SNX30: variants seen among roughly 807,000 people sequenced by gnomAD.
SNX30 encodes the protein sorting nexin-30.
SNX30 carries 24 observed loss-of-function variants against 46.4 expected under a neutral mutation model. That is an observed-to-expected ratio of 0.52 (90% CI 0.37 to 0.73). SNX30 has a LOEUF of 0.73. SNX30 is among the 30% of genes least tolerant of loss of function. The pLI is 0.00. For synonymous variants in SNX30, 189 were observed against 211.5 expected (o/e 0.89, Z 0.92); for missense variants, 533 against 555.7 (o/e 0.96, Z 0.41).
chr9:112,751,041 C>T lies in SNX30; in HGVS notation c.40C>T (p.Pro14Ser), dbSNP rs1839266536. 2 of 1,480,990 alleles carry T rather than the reference C, an allele frequency of 1.4e-6. No homozygotes were observed. The highest frequency in any genetic ancestry group is 2.9e-5 in the East Asian group (1 of 34,728). 91.7% of individuals were successfully genotyped at this position (1,480,990 alleles called of 1,614,324 possible). ...CCCCAAGGCCCTGCCGTCCACGGGG[C>T]CCCACTCCCTGCGCGACATGCCGCA... ...GPPKALPSTGPHSLRDMPHPL... is the reference protein window; with the variant it reads ...GPPKALPSTGSHSLRDMPHPL... The change falls in exon 1 of 9, where the codon CCC becomes TCC. Residue 14 changes from proline to serine, a missense_variant. Physicochemically the swap from Pro to Ser is moderately conservative, Grantham distance 74. Transcript: ENST00000374232.
At chr9:112,829,754 T>G (rs541847302) in intron 3 of SNX30, among the ~76,000 whole-genome samples, 11 of 152,248 alleles carry the variant, frequency 7.2e-5, no homozygotes, top group Non-Finnish European at 1.6e-4. Flanking sequence ...TCACCAACAC[T>G]TGTTTTTTTT....
chr9:112,797,718 T>TC (rs1475739383), intron 1 of SNX30, among the ~76,000 whole-genome samples: 1 of 146,052 alleles, frequency 6.8e-6, no homozygotes, highest in African/African-American at 2.5e-5. Context: ...TTTCTTTTTT[T>TC]TTTTTTTTTG....
intron 4 of SNX30, among the ~76,000 whole-genome samples, chr9:112,832,456 G>GAT (rs1840676532): frequency 8.9e-6 from 1 of 111,904 alleles, no homozygotes; most frequent in Non-Finnish European, 1.7e-5. Context: ...GAGAGAGAGA[G>GAT]AGAGTGTGTG....
chr9:112,840,054 A>G (rs1246025212), intron 6 of SNX30, among the ~76,000 whole-genome samples: 4 of 152,272 alleles, frequency 2.6e-5, no homozygotes, highest in South Asian at 2.1e-4. Context: ...AAGGGTTGAT[A>G]CGTACTAAAC....
rs184304487 is a variant in SNX30 at position 112,842,344 on chromosome 9, T to C, written c.1014+3647T>C. On this transcript the variant is annotated intron_variant, in intron 6 of 8. Transcript: ENST00000374232. ...CTGGTGTGGTGAGGTTCTGTCAGTCTATCTTCATCATGGCCTTGAGGGAAC... is the reference window on the plus strand; with the variant it reads ...CTGGTGTGGTGAGGTTCTGTCAGTCCATCTTCATCATGGCCTTGAGGGAAC... 2.0e-5 allele frequency among the ~76,000 whole-genome samples: 3 copies of C among 152,340 alleles called. No homozygotes were observed. The East Asian group carries it at 5.8e-4, about 29-fold the overall frequency.
intron 3 of SNX30, among the ~76,000 whole-genome samples, chr9:112,821,424 T>C (rs542354226): frequency 2.4e-4 from 37 of 151,924 alleles, no homozygotes; most frequent in African/African-American, 8.2e-4. Context: ...TGTATATATA[T>C]ATGTGTGTTT....
At position 112,750,844 on chromosome 9, in the gene SNX30, A is replaced by G. The variant is rs972639194; in HGVS notation, c.-158A>G. 69 of 530,104 alleles carry G rather than the reference A, an allele frequency of 1.3e-4. No homozygotes were observed. The highest frequency in any genetic ancestry group is 1.6e-4 in the Non-Finnish European group (64 of 408,530). The allele number at this position is 530,104 out of a possible 1,614,324, so 32.8% of individuals were successfully genotyped here. A position where few individuals can be genotyped will look rare whatever the true frequency, so the allele number is the denominator to read the frequency against. The stretch of plus-strand genomic sequence containing the variant: ...CGGAGCGGAGCGTCTGAGCGCCGGC[A>G]GAGACCAGCCGGCGGGTGGCGGCGG... On this transcript the variant is annotated 5_prime_UTR_variant, in exon 1 of 9. Transcript: ENST00000374232.
intron 3 of SNX30, among the ~76,000 whole-genome samples, chr9:112,827,224 G>T (rs1341792981): frequency 6.6e-6 from 1 of 152,162 alleles, no homozygotes; most frequent in Non-Finnish European, 1.5e-5. Flanking sequence ...ACCCAAACTT[G>T]TGTGTGTTTA....
intron 1 of SNX30, among the ~76,000 whole-genome samples, chr9:112,761,310 A>G (rs906280016): frequency 1.3e-5 from 2 of 152,056 alleles, no homozygotes; most frequent in Admixed American, 6.6e-5. Flanking sequence ...TTACAGGTGC[A>G]TGCCACCACG....
At chr9:112,814,974 C>G (rs1282999080) in intron 2 of SNX30, among the ~76,000 whole-genome samples, 2 of 152,158 alleles carry the variant, frequency 1.3e-5, no homozygotes, top group Non-Finnish European at 2.9e-5. Flanking sequence ...TCTGAACTTA[C>G]TGCTGCAGAA....
chr9:112,772,388 C>T (rs1279024581), intron 1 of SNX30, among the ~76,000 whole-genome samples: 2 of 152,150 alleles, frequency 1.3e-5, no homozygotes, highest in South Asian at 2.1e-4. Context: ...GGAGACCTGG[C>T]ACATTATTTT....
intron 2 of SNX30, among the ~76,000 whole-genome samples, chr9:112,809,704 T>C (rs1840288000): frequency 6.6e-6 from 1 of 152,192 alleles, no homozygotes; most frequent in African/African-American, 2.4e-5. Context: ...GACACAGTTA[T>C]TGCTGGTTGT....
chr9:112,842,369 C>G (rs1704726212), intron 6 of SNX30, among the ~76,000 whole-genome samples: 1 of 152,188 alleles, frequency 6.6e-6, no homozygotes, highest in South Asian at 2.1e-4. Context: ...CTTGAGGGAA[C>G]CTAATGGTGA....
chr9:112,808,337 G>C (rs921380245), intron 2 of SNX30, among the ~76,000 whole-genome samples: 1 of 152,210 alleles, frequency 6.6e-6, no homozygotes, highest in Non-Finnish European at 1.5e-5. Flanking sequence ...AAAGTACAGA[G>C]CTCTTTTTGC....
chr9:112,816,367 C>T (rs1404300475), intron 2 of SNX30, among the ~76,000 whole-genome samples: 6 of 152,210 alleles, frequency 3.9e-5, no homozygotes, highest in African/African-American at 1.4e-4. Flanking sequence ...TAAGTGTTGT[C>T]TTTTTTCCTC....
intron 2 of SNX30, among the ~76,000 whole-genome samples, chr9:112,809,998 G>A (rs567554346): frequency 7.9e-5 from 12 of 152,246 alleles, no homozygotes; most frequent in African/African-American, 2.9e-4. Flanking sequence ...CTGGGAAGGC[G>A]GAGGAAGCTA....
downstream of SNX30, among the ~76,000 whole-genome samples, chr9:112,882,198 C>T (rs1841588349): frequency 6.6e-6 from 1 of 152,164 alleles, no homozygotes; most frequent in Non-Finnish European, 1.5e-5. Flanking sequence ...CCTCAACCTC[C>T]TGGGCTCAAG....
intron 6 of SNX30, among the ~76,000 whole-genome samples, chr9:112,846,719 G>A (rs113254686): frequency 2.0e-5 from 3 of 152,110 alleles, no homozygotes; most frequent in African/African-American, 4.8e-5. Flanking sequence ...AGTTCTCTGT[G>A]GGGGGTGAGC....
At chr9:112,779,636 A>C (rs113842053) in intron 1 of SNX30, among the ~76,000 whole-genome samples, 122 of 152,258 alleles carry the variant, frequency 8.0e-4, no homozygotes, top group Non-Finnish European at 1.4e-3. Context: ...CGGAGGTTGC[A>C]ATGAGCCAAG....
Sources: gnomAD v4.1 joint callset for allele counts (sites outside exome capture counted in the v4.1 genomes callset) on GRCh38, gnomAD v4.1.1 for gene constraint, MANE v1.5 for transcripts, NCBI Gene and HGNC (gene_info 2026-07-23, HGNC 2026-07-21) for gene names.